Variants in PLEKHM2 observed in about 807,000 individuals in gnomAD.
PLEKHM2 encodes the protein pleckstrin homology domain-containing family M member 2.
In PLEKHM2, 77 loss-of-function variants were observed where a neutral mutation model predicts 116.3. The ratio of observed to expected loss-of-function variants is 0.66; its 90% CI spans 0.55 to 0.80. The LOEUF (loss-of-function observed/expected upper bound fraction) is 0.80, where lower values mean the gene tolerates loss of function less well. PLEKHM2 is among the 30% of genes least tolerant of loss of function. PLEKHM2 has a pLI of 0.00. For synonymous variants in PLEKHM2, 562 were observed against 571.0 expected (o/e 0.98, Z 0.22); for missense variants, 1,183 against 1,354.9 (o/e 0.87, Z 1.99).
At chr1:15,692,634 C>T (rs1640910957) in intron 1 of PLEKHM2, among the ~76,000 whole-genome samples, 1 of 152,182 alleles carries the variant, frequency 6.6e-6, no homozygotes, top group East Asian at 1.9e-4. Flanking sequence ...GACTGAGTCT[C>T]CCTGTGTTGC....
chr1:15,727,778 G>T lies in PLEKHM2; in HGVS notation c.1706G>T (p.Gly569Val). The T allele has an allele frequency of 6.2e-7, 1 of 1,604,460 alleles. No individual in the cohort carries two copies. Among genetic ancestry groups the T allele is most frequent in the Non-Finnish European group, 8.5e-7 (1 of 1,176,334 alleles). The change falls in exon 9 of 20, where the codon GGG (glycine) becomes GTG (valine). Residue 569 changes from glycine to valine, a missense_variant. Coordinates refer to ENST00000375799, the MANE Select transcript of PLEKHM2 (RefSeq NM_015164.4). The surrounding 1 kb of genome is among the most constrained non-coding windows in gnomAD (Gnocchi z 7.5). ...TGTCTGAGTAGCGCTGAGGATTCTG[G>T]GGTGGATGAGGGACAGGGGAGCCCT... is the stretch of plus-strand genomic sequence containing the variant. ...SPCLSSAEDS[G>V]VDEGQGSPSE...
intron 1 of PLEKHM2, 79 bp downstream of exon 1, chr1:15,684,697 G>GGCGCCCCTGCTGCCGCAGGGACTC: frequency 2.5e-6 from 2 of 795,234 alleles, no homozygotes; most frequent in African/African-American, 1.8e-5. Context: ...CTCCCGGGCC[G>GGCGCCCCTGCTGCCGCAGGGACTC]GGGCCCCCCG....
At chr1:15,692,560 A>G (rs1487037963) in intron 1 of PLEKHM2, among the ~76,000 whole-genome samples, 1 of 152,192 alleles carries the variant, frequency 6.6e-6, no homozygotes, top group Non-Finnish European at 1.5e-5. Context: ...CTAGTGGAGA[A>G]GTGATAACTG....
At chr1:15,730,251 G>A (rs893410467) in intron 14 of PLEKHM2, among the ~76,000 whole-genome samples, 3 of 152,154 alleles carry the variant, frequency 2.0e-5, no homozygotes, top group African/African-American at 4.8e-5. Context: ...GACCCGCCTC[G>A]CCAACATGGC....
chr1:15,681,672 C>G (rs527728332), upstream of PLEKHM2: 3 of 444,774 alleles, frequency 6.7e-6, no homozygotes, highest in Non-Finnish European at 9.2e-6. Context: ...GAAGGAAGTG[C>G]GCAATTCTGA....
intron 1 of PLEKHM2, among the ~76,000 whole-genome samples, chr1:15,714,644 C>G (rs1372568552): frequency 1.3e-5 from 2 of 152,232 alleles, no homozygotes; most frequent in Admixed American, 6.5e-5. Context: ...TTGTTGGTCT[C>G]TCTCCAGGAG....
intron 16 of PLEKHM2, 55 bp from the exon 17 acceptor site, chr1:15,731,834 G>A (rs568599837): frequency 6.7e-5 from 101 of 1,507,212 alleles, no homozygotes; most frequent in Non-Finnish European, 8.7e-5. Flanking sequence ...GGGGGCTGTC[G>A]CCCCGTGCTG....
chr1:15,729,210 C>G lies in PLEKHM2; in HGVS notation c.2075+20C>G. ...GGCTGAGTGAGTGGCAACCCCGCCC[C>G]TCTGGAAGGATTGGAGAGTTCGCAG... On this transcript the variant is annotated intron_variant, in intron 13 of 19. Transcript: ENST00000375799. This position sits in a 1 kb window ranked among gnomAD's most constrained non-coding sequence, Gnocchi z 4.7. The G allele has an allele frequency of 1.3e-6, 2 of 1,595,920 alleles. No homozygotes were observed. Among genetic ancestry groups the G allele is most frequent in the Non-Finnish European group, 1.7e-6 (2 of 1,170,318 alleles).
At chr1:15,686,468 T>TTTGTTG (rs539764002) in intron 1 of PLEKHM2, among the ~76,000 whole-genome samples, 2 of 151,904 alleles carry the variant, frequency 1.3e-5, no homozygotes, top group East Asian at 1.9e-4. Context: ...GGAGTGTTTT[T>TTTGTTG]TTGTTGTTGT....
chr1:15,726,386 GT>G (rs1481126726), intron 8 of PLEKHM2, among the ~76,000 whole-genome samples: 1 of 152,210 alleles, frequency 6.6e-6, no homozygotes, highest in Non-Finnish European at 1.5e-5. Flanking sequence ...CTGTGTGCGT[GT>G]CAGACTGCCC....
chr1:15,724,051 C>T (rs896107257), intron 7 of PLEKHM2, among the ~76,000 whole-genome samples: 8 of 152,152 alleles, frequency 5.3e-5, no homozygotes, highest in South Asian at 4.1e-4. Flanking sequence ...TTCACCTGCC[C>T]GTGCTCCCTC....
At chr1:15,730,810 G>C in intron 15 of PLEKHM2, 88 bp downstream of exon 15, 1 of 1,080,688 alleles carries the variant, frequency 9.3e-7, no homozygotes, top group Non-Finnish European at 1.3e-6. Flanking sequence ...TCCGCAGCAG[G>C]TCACTGAGGG....
chr1:15,698,319 T>C (rs976736437), intron 1 of PLEKHM2, among the ~76,000 whole-genome samples: 1 of 152,116 alleles, frequency 6.6e-6, no homozygotes, highest in African/African-American at 2.4e-5. Flanking sequence ...TCCTCCCGCC[T>C]CATCATCCCA....
chr1:15,716,409 A>G, intron 2 of PLEKHM2, 66 bp downstream of exon 2: 2 of 996,022 alleles, frequency 2.0e-6, no homozygotes, highest in Non-Finnish European at 3.0e-6. Flanking sequence ...CTCCACAGAG[A>G]AACCCTTAGC....
At chr1:15,733,459 G>A (rs1471125510) in intron 19 of PLEKHM2, among the ~76,000 whole-genome samples, 1 of 152,258 alleles carries the variant, frequency 6.6e-6, no homozygotes, top group Non-Finnish European at 1.5e-5. Context: ...CTACGCTCTA[G>A]CCCCGTGGAA....
Position 15,727,247 on chromosome 1 carries a change from G to T in PLEKHM2, c.1175G>T (p.Gly392Val), listed in dbSNP as rs964666781. The T allele has an allele frequency of 1.2e-6, 2 of 1,605,030 alleles. No homozygotes were observed. The highest frequency in any genetic ancestry group is 1.7e-4 in the Middle Eastern group (1 of 6,054). ...GAGAGCAGCGAGCGCTCCGAGCCGG[G>T]CCTGCTGATCCCTGAGATGAAGGAC... ...TTESSERSEPGLLIPEMKDTS... is the reference protein window; with the variant it reads ...TTESSERSEPVLLIPEMKDTS... Residue 392 changes from glycine (G) to valine (V), a missense_variant, in exon 9 of 20, where the codon GGC becomes GTC. By Grantham distance (109) the Gly-to-Val change is moderately radical. Coordinates refer to ENST00000375799, the MANE Select transcript of PLEKHM2 (RefSeq NM_015164.4). The surrounding 1 kb of genome is among the most constrained non-coding windows in gnomAD (Gnocchi z 7.5).
At chr1:15,699,239 G>T (rs1641062516) in intron 1 of PLEKHM2, among the ~76,000 whole-genome samples, 1 of 151,780 alleles carries the variant, frequency 6.6e-6, no homozygotes, top group Non-Finnish European at 1.5e-5. Flanking sequence ...TGTTACATAG[G>T]TGTGCAGGTT....
chr1:15,702,785 A>G (rs1641142393), intron 1 of PLEKHM2, among the ~76,000 whole-genome samples: 1 of 128,418 alleles, frequency 7.8e-6, no homozygotes, highest in Non-Finnish European at 1.6e-5. Context: ...CAGAGGTGTG[A>G]TCATGGCACA....
chr1:15,694,541 T>C (rs1640952933), intron 1 of PLEKHM2, among the ~76,000 whole-genome samples: 1 of 152,078 alleles, frequency 6.6e-6, no homozygotes. Context: ...TTGGTGTTGC[T>C]CATTCCAGGT....
Sources: allele counts gnomAD v4.1 joint callset (sites outside exome capture counted in the v4.1 genomes callset), GRCh38; gene constraint gnomAD v4.1.1; non-coding constraint Gnocchi (gnomAD v3.1); transcripts MANE v1.5; gene names NCBI Gene and HGNC (gene_info 2026-07-23, HGNC 2026-07-21).